SORCS1: variants seen among roughly 807,000 people sequenced by gnomAD.
SORCS1 encodes the protein VPS10 domain-containing receptor SorCS1.
SORCS1 carries 60 observed loss-of-function variants against 146.1 expected under a neutral mutation model. That is an observed-to-expected ratio of 0.41 (90% CI 0.33 to 0.51). The LOEUF is 0.51. Among genes scored for constraint, SORCS1 ranks in the 20% least tolerant of loss-of-function variants. SORCS1 has a pLI of 0.21. For synonymous variants in SORCS1, 637 were observed against 584.0 expected, an observed-to-expected ratio of 1.09 and a Z score of -1.31; for missense variants, 1,352 against 1,487.6, an observed-to-expected ratio of 0.91 and a Z score of 1.50.
chr10:106,964,192 C>G (rs1038462847), intron 1 of SORCS1, among the ~76,000 whole-genome samples: 2 of 152,208 alleles, frequency 1.3e-5, no homozygotes, highest in Non-Finnish European at 2.9e-5. Flanking sequence ...TATCAGAATA[C>G]AGAGATAGGC....
chr10:107,007,153 T>C (rs941887268), intron 1 of SORCS1, among the ~76,000 whole-genome samples: 4 of 152,206 alleles, frequency 2.6e-5, no homozygotes, highest in Admixed American at 1.3e-4. Flanking sequence ...AAAAGGTTCA[T>C]TGACTATGAA....
chr10:106,862,571 C>T (rs1950057018), intron 2 of SORCS1, among the ~76,000 whole-genome samples: 1 of 151,960 alleles, frequency 6.6e-6, no homozygotes, highest in Non-Finnish European at 1.5e-5. Flanking sequence ...ACCCCCGACC[C>T]AACACACACA....
At chr10:106,872,544 T>G (rs769228097) in intron 2 of SORCS1, among the ~76,000 whole-genome samples, 1 of 152,170 alleles carries the variant, frequency 6.6e-6, no homozygotes, top group African/African-American at 2.4e-5. Flanking sequence ...GGAGTTACAC[T>G]TGGAAGCTTA....
rs530019221 is a variant in SORCS1, at chr10:106,693,062, G to T, written c.1414-4724C>A. On this transcript the variant is annotated intron_variant, in intron 9 of 25. Coordinates refer to ENST00000263054, the MANE Select transcript of SORCS1 (RefSeq NM_052918.5). ...TCAGGCTATGTGATAAGGTATATAT[G>T]AAACATAAATTAACCCTGTGTGTAC... 4.9e-3 allele frequency among the ~76,000 whole-genome samples: 751 copies of T among 152,200 alleles called. 2 individuals are homozygous for T. Among genetic ancestry groups the T allele is most frequent in the Non-Finnish European group, 8.3e-3 (566 of 68,006 alleles).
chr10:107,109,386 T>A (rs1330963713), intron 1 of SORCS1, among the ~76,000 whole-genome samples: 1 of 152,210 alleles, frequency 6.6e-6, no homozygotes, highest in East Asian at 1.9e-4. Context: ...ACTCTGTGAA[T>A]CTGCAGGCTT....
chr10:107,075,434 A>ATCAACAC (rs1962792326), intron 1 of SORCS1, among the ~76,000 whole-genome samples: 1 of 152,140 alleles, frequency 6.6e-6, no homozygotes, highest in African/African-American at 2.4e-5. Context: ...TGAAGTTGAC[A>ATCAACAC]TCAACACTTT....
chr10:106,926,223 G>A (rs1486180642), intron 2 of SORCS1, among the ~76,000 whole-genome samples: 1 of 152,144 alleles, frequency 6.6e-6, no homozygotes, highest in Non-Finnish European at 1.5e-5. Context: ...TGATAAGCAG[G>A]GGGTTAATGT....
chr10:106,749,062 T>C (rs1857955455), intron 5 of SORCS1, among the ~76,000 whole-genome samples: 1 of 152,220 alleles, frequency 6.6e-6, no homozygotes, highest in African/African-American at 2.4e-5. Flanking sequence ...GAGTTATACA[T>C]GGTTTCAAAA....
chr10:106,679,509 G>T, intron 11 of SORCS1, 123 bp downstream of exon 11: 1 of 1,025,494 alleles, frequency 9.8e-7, no homozygotes, highest in Non-Finnish European at 1.4e-6. Flanking sequence ...ATTATTTTTA[G>T]CTTGCTCATT....
At chr10:106,689,705 A>AGAT (rs1245814975) in intron 9 of SORCS1, among the ~76,000 whole-genome samples, 1 of 152,190 alleles carries the variant, frequency 6.6e-6, no homozygotes, top group African/African-American at 2.4e-5. Flanking sequence ...CCAATTCTAC[A>AGAT]GATAAAGAAA....
chr10:107,127,624 C>A (rs1966788835), intron 1 of SORCS1, among the ~76,000 whole-genome samples: 1 of 152,206 alleles, frequency 6.6e-6, no homozygotes, highest in East Asian at 1.9e-4. Flanking sequence ...CTGTGAACAT[C>A]TCACGCCTTT....
rs980699379 is a variant in SORCS1, at chr10:107,026,620, A to T, written c.559-70040T>A. Among the ~76,000 whole-genome samples, 3 of 152,080 alleles carry T rather than the reference A, an allele frequency of 2.0e-5. No individual in the cohort carries two copies. In the East Asian group the frequency reaches 5.8e-4, roughly 29 times the overall value. ...GCCACAGAGTGAGATGCCATCAAAA[A>T]AAAAAAAAAAGTTTTTTGGTTTTGT... On this transcript the variant is annotated intron_variant, in intron 1 of 25. Coordinates refer to ENST00000263054, the MANE Select transcript of SORCS1 (RefSeq NM_052918.5).
At chr10:107,012,777 C>T (rs1957744182) in intron 1 of SORCS1, among the ~76,000 whole-genome samples, 1 of 152,128 alleles carries the variant, frequency 6.6e-6, no homozygotes, top group South Asian at 2.1e-4. Context: ...TCCTATAGTT[C>T]CCCACAGATA....
intron 2 of SORCS1, among the ~76,000 whole-genome samples, chr10:106,939,086 G>A (rs569191412): frequency 2.0e-5 from 3 of 152,226 alleles, no homozygotes; most frequent in South Asian, 4.1e-4. Flanking sequence ...TTGGGAGAAG[G>A]GCAATACCAA....
chr10:106,863,405 A>C (rs1950096828), intron 2 of SORCS1, among the ~76,000 whole-genome samples: 1 of 151,926 alleles, frequency 6.6e-6, no homozygotes, highest in African/African-American at 2.4e-5. Flanking sequence ...GACACCTGTC[A>C]TCTCAGCTAC....
At position 106,685,568 on chromosome 10, in the gene SORCS1, A is replaced by C. The variant is rs1852766932; in HGVS notation, c.1560+2624T>G. Among the ~76,000 whole-genome samples the C allele has an allele frequency of 1.3e-5, 2 of 152,192 alleles. 1 individual carries two copies. The highest frequency in any genetic ancestry group is 1.3e-4 in the Admixed American group (2 of 15,282). On this transcript the variant is annotated intron_variant, in intron 10 of 25. Transcript: ENST00000263054. ...GGCCAAGAACAAGCCAGACAAAGAG[A>C]AGGGCATTTTAAGAGAAATTATAAC...
chr10:106,620,639 C>G, intron 19 of SORCS1, 78 bp from the exon 20 acceptor site: 1 of 1,494,880 alleles, frequency 6.7e-7, no homozygotes, highest in Non-Finnish European at 9.0e-7. Context: ...GAAGAGATCA[C>G]ACATTTACTC....
chr10:106,575,991 G>A lies in SORCS1; in HGVS notation c.*1429C>T, dbSNP rs1479032560. On this transcript the variant is annotated 3_prime_UTR_variant, in exon 26 of 26. Transcript: ENST00000263054. Reference sequence around the variant, plus strand: ...AGAATCTTCTGGAATCAGATCGCACGAGATTTTCGTTAAGGTGTGAGAACA... The same window carrying A: ...AGAATCTTCTGGAATCAGATCGCACAAGATTTTCGTTAAGGTGTGAGAACA... 6 of 152,540 alleles carry A rather than the reference G, an allele frequency of 3.9e-5. No individual in the cohort carries two copies. The highest frequency in any genetic ancestry group is 8.8e-5 in the Non-Finnish European group (6 of 68,040). The allele number at this position is 152,540 out of a possible 1,614,324, so 9.4% of individuals were successfully genotyped here.
intron 2 of SORCS1, among the ~76,000 whole-genome samples, chr10:106,937,732 G>A (rs149943763): frequency 0.026 from 4,006 of 152,164 alleles, 132 homozygotes; most frequent in South Asian, 0.11. Flanking sequence ...GGGGGGCTGA[G>A]GCAGGTGGAT....
Sources: gnomAD v4.1 joint callset for allele counts (sites outside exome capture counted in the v4.1 genomes callset) on GRCh38, gnomAD v4.1.1 for gene constraint, MANE v1.5 for transcripts, NCBI Gene and HGNC (gene_info 2026-07-23, HGNC 2026-07-21) for gene names.